Variants in PLEKHH2 observed in about 807,000 individuals in gnomAD.
The protein encoded by PLEKHH2 is pleckstrin homology domain-containing family H member 2.
A neutral mutation model predicts 187.9 loss-of-function variants in PLEKHH2; 129 were observed. The observed-to-expected ratio is 0.69, with a 90% CI of 0.59 to 0.79. The LOEUF is 0.79. PLEKHH2 is among the 30% of genes least tolerant of loss of function. The pLI, the probability that PLEKHH2 is intolerant of heterozygous loss-of-function variation, is 0.00. For missense variants in PLEKHH2, 2,076 were observed against 1,751.2 expected (o/e 1.19, Z -3.31); for synonymous variants, 686 against 605.6 (o/e 1.13, Z -1.95).
chr2:43,640,382 G>A (rs1665840775), intron 1 of PLEKHH2, among the ~76,000 whole-genome samples: 1 of 151,886 alleles, frequency 6.6e-6, no homozygotes, highest in African/African-American at 2.4e-5. Flanking sequence ...ATAGAGATGA[G>A]GTCTTGCTAT....
At chr2:43,733,128 C>T (rs1055798687) in intron 19 of PLEKHH2, among the ~76,000 whole-genome samples, 8 of 152,194 alleles carry the variant, frequency 5.3e-5, no homozygotes, top group South Asian at 2.1e-4. Flanking sequence ...TTTGGAAGGC[C>T]GAGGCGGGCA....
rs749529006 is a variant in PLEKHH2 at position 43,706,430 on chromosome 2, G to C, written c.1821+14G>C. On this transcript the variant is annotated intron_variant, in intron 10 of 29. Transcript: ENST00000282406. The stretch of plus-strand genomic sequence containing the variant: ...ACTTTGAAGGGGGTAACTCATTATT[G>C]TTATTGTTAAAACATGTGCTTCTCT... The C allele has an allele frequency of 6.6e-7, 1 of 1,512,114 alleles. No homozygotes were observed. The highest frequency in any genetic ancestry group is 9.1e-7 in the Non-Finnish European group (1 of 1,096,338). 93.7% of individuals were successfully genotyped at this position (1,512,114 alleles called of 1,614,324 possible).
chr2:43,758,790 T>C (rs928463367), intron 26 of PLEKHH2, 110 bp from the exon 27 acceptor site: 3 of 887,242 alleles, frequency 3.4e-6, no homozygotes, highest in Non-Finnish European at 4.8e-6. Context: ...TGCCTAGGGA[T>C]CACAGTTATG....
Position 43,729,691 on chromosome 2 carries a change from G to C in PLEKHH2, c.2776G>C (p.Gly926Arg), listed in dbSNP as rs1361422909. ...AGCTGGAAGCAACAATGTAAACGTT[G>C]GATCTGAATTTGAACAACTGGTTTG... ...VAAGSNNVNV[G>R]SEFEQLVCKL... is the part of the protein sequence containing the mutation. Residue 926 changes from glycine (G) to arginine (R), a missense_variant, in exon 18 of 30, where the codon GGA (glycine) becomes CGA (arginine). By Grantham distance (125) the Gly-to-Arg change is moderately radical (BLOSUM62 -2). Transcript: ENST00000282406. 1 of 1,609,674 alleles carries C rather than the reference G, an allele frequency of 6.2e-7. No homozygotes were observed. The highest frequency in any genetic ancestry group is 8.5e-7 in the Non-Finnish European group (1 of 1,178,554).
chr2:43,703,461 A>G (rs1421817994), intron 8 of PLEKHH2, among the ~76,000 whole-genome samples: 1 of 152,250 alleles, frequency 6.6e-6, no homozygotes, highest in African/African-American at 2.4e-5. Flanking sequence ...GGAAGGCGAT[A>G]GCATTTAATG....
intron 1 of PLEKHH2, among the ~76,000 whole-genome samples, chr2:43,643,348 A>T (rs1380296902): frequency 6.6e-6 from 1 of 152,162 alleles, no homozygotes; most frequent in African/African-American, 2.4e-5. Context: ...GAAGGCTTTA[A>T]GAAGCTGGGG....
In PLEKHH2 at chr2:43,654,588, G is replaced by A. The variant is rs1202530127; in HGVS notation, c.123+9792G>A. 2.1e-5 allele frequency among the ~76,000 whole-genome samples: 3 copies of A among 140,876 alleles called. No homozygotes were observed. In the South Asian group the frequency reaches 6.8e-4, roughly 32 times the overall value. 92.4% of individuals were successfully genotyped at this position (140,876 alleles called of 152,430 possible). A position where few individuals can be genotyped will look rare whatever the true frequency, so the allele number is the denominator to read the frequency against. ...ACTTTTTTTTTTTTTTTTTTTAATG[G>A]CCAGCATTGGCTGCCACAGTGGCTC... On this transcript the variant is annotated intron_variant, in intron 2 of 29. Transcript: ENST00000282406.
intron 20 of PLEKHH2, among the ~76,000 whole-genome samples, chr2:43,739,333 C>A (rs1187088734): frequency 2.0e-5 from 3 of 152,140 alleles, no homozygotes; most frequent in Non-Finnish European, 2.9e-5. Flanking sequence ...GGATGCGTTT[C>A]TTTATTAGTG....
chr2:43,744,837 C>T (rs1671710353), intron 23 of PLEKHH2, among the ~76,000 whole-genome samples: 1 of 139,070 alleles, frequency 7.2e-6, no homozygotes, highest in Non-Finnish European at 1.5e-5. Context: ...CACTGCACTC[C>T]AGCCTGGGTG....
In PLEKHH2 at chr2:43,734,598, T is replaced by C. The variant is rs1406871893; in HGVS notation, c.2943+2996T>C. Among the ~76,000 whole-genome samples, 3 of 152,144 alleles carry C rather than the reference T, an allele frequency of 2.0e-5. No homozygotes were observed. In the East Asian group the frequency reaches 5.8e-4, roughly 29 times the overall value. ...TGGCTGTTATCGAAAAGGCAGAAAA[T>C]AACGAATGCTGTGAAGGATGCAGAG... is the stretch of plus-strand genomic sequence containing the variant. On this transcript the variant is annotated intron_variant, in intron 19 of 29. Coordinates refer to ENST00000282406, the MANE Select transcript of PLEKHH2 (RefSeq NM_172069.4).
Position 43,694,320 on chromosome 2 carries a change from T to C in PLEKHH2, c.337-111T>C, listed in dbSNP as rs1668983944. On this transcript the variant is annotated intron_variant, in intron 4 of 29. Transcript: ENST00000282406. ...CTATTTGGTAATTTGAAAGCAGATA[T>C]AGTAACTTGGAATCAAGTTTTAAGT... 2.4e-6 allele frequency: 3 copies of C among 1,237,826 alleles called. No individual in the cohort carries two copies. The South Asian group carries it at 4.7e-5, about 19-fold the overall frequency. The allele number at this position is 1,237,826 out of a possible 1,614,324, so 76.7% of individuals were successfully genotyped here.
At chr2:43,711,786 C>T (rs147742374) in intron 14 of PLEKHH2, 7,210 of 424,254 alleles carry the variant, frequency 0.017, 65 homozygotes, top group African/African-American at 0.03. Context: ...CCCAGCTGCT[C>T]GGGAGGCCGA....
intron 19 of PLEKHH2, among the ~76,000 whole-genome samples, chr2:43,734,884 C>T (rs765709443): frequency 4.6e-5 from 7 of 152,066 alleles, no homozygotes; most frequent in African/African-American, 9.7e-5. Context: ...AATGATGGGC[C>T]GGGCCAGTGG....
intron 11 of PLEKHH2, among the ~76,000 whole-genome samples, chr2:43,708,447 T>C (rs1277432483): frequency 2.0e-5 from 3 of 152,338 alleles, no homozygotes; most frequent in East Asian, 3.9e-4. Context: ...TTCCCCTAGA[T>C]GTCCGTATAG....
chr2:43,736,190 C>G (rs1256180610), intron 19 of PLEKHH2, among the ~76,000 whole-genome samples: 4 of 151,920 alleles, frequency 2.6e-5, no homozygotes, highest in Non-Finnish European at 5.9e-5. Flanking sequence ...CTACTACAAA[C>G]AAAAAGAGAA....
At chr2:43,673,340 C>T (rs1423844360) in intron 2 of PLEKHH2, among the ~76,000 whole-genome samples, 3 of 152,146 alleles carry the variant, frequency 2.0e-5, no homozygotes, top group Non-Finnish European at 4.4e-5. Flanking sequence ...TGTTTTTGGA[C>T]ATTTGTGACT....
At chr2:43,731,073 C>T (rs1237929022) in intron 18 of PLEKHH2, among the ~76,000 whole-genome samples, 1 of 152,092 alleles carries the variant, frequency 6.6e-6, no homozygotes, top group Non-Finnish European at 1.5e-5. Context: ...TAAATGGGAG[C>T]TAAACTGTGA....
chr2:43,715,965 G>A (rs1670191375), intron 15 of PLEKHH2, among the ~76,000 whole-genome samples: 1 of 152,190 alleles, frequency 6.6e-6, no homozygotes, highest in Non-Finnish European at 1.5e-5. Flanking sequence ...AAGGAGATGT[G>A]TGCAGAGGTC....
At chr2:43,705,763 A>G (rs1431267329) in intron 9 of PLEKHH2, among the ~76,000 whole-genome samples, 1 of 151,988 alleles carries the variant, frequency 6.6e-6, no homozygotes, top group African/African-American at 2.4e-5. Context: ...CTGAGATTAC[A>G]GGTGTATGCC....
Sources: allele counts gnomAD v4.1 joint callset (sites outside exome capture counted in the v4.1 genomes callset), GRCh38; gene constraint gnomAD v4.1.1; transcripts MANE v1.5; gene names NCBI Gene and HGNC (gene_info 2026-07-23, HGNC 2026-07-21).